The following TNR variants were observed in gnomAD, a reference collection of about 807,000 sequenced individuals.
TNR encodes the protein tenascin R.
Under a neutral mutation model 150.4 loss-of-function variants are expected in TNR, and 45 were observed. The observed-to-expected ratio is 0.30, with a 90% CI of 0.24 to 0.38. The LOEUF is 0.38. TNR is among the 10% of genes least tolerant of loss of function. The pLI is 1.00. For missense variants in TNR, 1,544 were observed against 1,759.1 expected, an observed-to-expected ratio of 0.88 and a Z score of 2.19; for synonymous variants, 687 against 678.4, an observed-to-expected ratio of 1.01 and a Z score of -0.20.
intron 2 of TNR, among the ~76,000 whole-genome samples, chr1:175,463,537 C>T (rs1384231123): frequency 3.3e-5 from 5 of 152,228 alleles, no homozygotes; most frequent in African/African-American, 1.2e-4. Flanking sequence ...GAGTAATTTA[C>T]ACAGCTCCAC....
intron 2 of TNR, among the ~76,000 whole-genome samples, chr1:175,456,358 T>C (rs527958559): frequency 6.6e-6 from 1 of 152,354 alleles, no homozygotes; most frequent in South Asian, 2.1e-4. Context: ...ATAGTATCCA[T>C]CACCTTCTAA....
At chr1:175,434,114 C>T (rs768556786) in intron 2 of TNR, among the ~76,000 whole-genome samples, 5 of 152,178 alleles carry the variant, frequency 3.3e-5, no homozygotes, top group Non-Finnish European at 7.3e-5. Flanking sequence ...GCTCTGGATG[C>T]GGCCAGATTG....
chr1:175,509,133 T>C (rs1003842194), intron 2 of TNR, among the ~76,000 whole-genome samples: 7 of 152,200 alleles, frequency 4.6e-5, no homozygotes, highest in Admixed American at 3.3e-4. Flanking sequence ...GTATGAGCCA[T>C]TATTTTGCTG....
intron 18 of TNR, among the ~76,000 whole-genome samples, chr1:175,348,961 C>T (rs1053796849): frequency 2.6e-5 from 4 of 152,040 alleles, no homozygotes; most frequent in African/African-American, 7.2e-5. Flanking sequence ...GAAAATAACA[C>T]TCAAAGGACT....
At chr1:175,458,260 G>A (rs991539902) in intron 2 of TNR, among the ~76,000 whole-genome samples, 2 of 152,112 alleles carry the variant, frequency 1.3e-5, no homozygotes. Flanking sequence ...TGATTACTGT[G>A]TAAACCATTA....
At chr1:175,728,596 C>T (rs1667543731) in intron 1 of TNR, among the ~76,000 whole-genome samples, 1 of 152,192 alleles carries the variant, frequency 6.6e-6, no homozygotes, top group South Asian at 2.1e-4. Flanking sequence ...TGGTTCTTGC[C>T]TTCTGCTTTC....
chr1:175,534,508 T>TCA lies in TNR; in HGVS notation c.-164-6141_-164-6140dup, dbSNP rs530481871. Among the ~76,000 whole-genome samples the TCA allele has an allele frequency of 1.8e-4, 28 of 152,380 alleles. No homozygotes were observed. The East Asian group carries it at 5.4e-3, about 29-fold the overall frequency. On this transcript the variant is annotated intron_variant, in intron 1 of 22. Coordinates refer to ENST00000367674, the MANE Select transcript of TNR (RefSeq NM_003285.3). ...CTGAATGGATTATTTGAATGAGTCC[T>TCA]CACACACTGCCCAAGTGCATCAGGG... is the stretch of plus-strand genomic sequence containing the variant.
At chr1:175,442,090 G>T (rs1007736086) in intron 2 of TNR, among the ~76,000 whole-genome samples, 1 of 152,196 alleles carries the variant, frequency 6.6e-6, no homozygotes, top group African/African-American at 2.4e-5. Flanking sequence ...GGGGCTCCCT[G>T]TTTATCTTCT....
At chr1:175,436,680 G>C (rs997027477) in intron 2 of TNR, among the ~76,000 whole-genome samples, 16 of 152,154 alleles carry the variant, frequency 1.1e-4, no homozygotes, top group African/African-American at 3.9e-4. Flanking sequence ...AAGGGATGGA[G>C]GAAGATCTAC....
chr1:175,454,188 C>T (rs1261132980), intron 2 of TNR, among the ~76,000 whole-genome samples: 1 of 152,164 alleles, frequency 6.6e-6, no homozygotes, highest in East Asian at 1.9e-4. Flanking sequence ...CTCCCATGCT[C>T]CTAAATGTCT....
chr1:175,718,561 G>A (rs539640861), intron 1 of TNR, among the ~76,000 whole-genome samples: 1 of 152,210 alleles, frequency 6.6e-6, no homozygotes, highest in African/African-American at 2.4e-5. Context: ...GTTTAGTAGG[G>A]TGGGTCCACC....
chr1:175,689,869 C>A (rs1571755106), intron 1 of TNR, among the ~76,000 whole-genome samples: 1 of 152,166 alleles, frequency 6.6e-6, no homozygotes, highest in African/African-American at 2.4e-5. Context: ...TACCTGAGGC[C>A]TCGGTTTCCG....
At chr1:175,690,646 G>A (rs949250183) in intron 1 of TNR, among the ~76,000 whole-genome samples, 1 of 152,244 alleles carries the variant, frequency 6.6e-6, no homozygotes, top group Admixed American at 6.5e-5. Context: ...CTTGGCTTAA[G>A]TGCCAGGGGG....
chr1:175,514,560 T>A (rs1301157489), intron 2 of TNR, among the ~76,000 whole-genome samples: 1 of 152,184 alleles, frequency 6.6e-6, no homozygotes, highest in African/African-American at 2.4e-5. Context: ...CAGGGAACCA[T>A]GGTTCCCAGG....
chr1:175,632,467 A>G (rs1005431101), intron 1 of TNR, among the ~76,000 whole-genome samples: 3 of 152,220 alleles, frequency 2.0e-5, no homozygotes, highest in African/African-American at 7.2e-5. Context: ...TCACTTAGAA[A>G]ATAGAGTCTA....
In TNR at chr1:175,365,145, T is replaced by A. The variant is rs761445577; in HGVS notation, c.2452A>T (p.Met818Leu). 1 of 1,614,106 alleles carries A rather than the reference T, an allele frequency of 6.2e-7. No homozygotes were observed. Among genetic ancestry groups the A allele is most frequent in the Non-Finnish European group, 8.5e-7 (1 of 1,180,006 alleles). Residue 818 changes from methionine to leucine, a missense_variant, in exon 12 of 23, where the codon ATG (methionine) becomes TTG (leucine). Physicochemically the swap from Met to Leu is conservative, Grantham distance 15 (BLOSUM62 2). Around this residue, in one of 2 missense-constraint regions of TNR, gnomAD observed 1,254 missense variants for 1,329.4 expected, o/e 0.94. Coordinates refer to ENST00000367674, the MANE Select transcript of TNR (RefSeq NM_003285.3). Reference sequence around the variant, plus strand: ...TTGGTGGCATCCAGGGAGACCTCCATCATCTCTTCCTCCTCATCCCTGGGG... The same window carrying A: ...TTGGTGGCATCCAGGGAGACCTCCAACATCTCTTCCTCCTCATCCCTGGGG... Reference protein sequence around the residue: ...YSPRDEEEEMMEVSLDATKRH... With the variant: ...YSPRDEEEEMLEVSLDATKRH...
chr1:175,515,600 A>G (rs1382151854), intron 2 of TNR, among the ~76,000 whole-genome samples: 2 of 152,194 alleles, frequency 1.3e-5, no homozygotes, highest in African/African-American at 4.8e-5. Flanking sequence ...GTCTAAGAAG[A>G]GATGAGGCTG....
chr1:175,421,624 AC>A (rs1654758485), intron 2 of TNR, among the ~76,000 whole-genome samples: 1 of 152,194 alleles, frequency 6.6e-6, no homozygotes, highest in Admixed American at 6.5e-5. Flanking sequence ...AATGATCCAA[AC>A]TTTTTATCTG....
intron 2 of TNR, among the ~76,000 whole-genome samples, chr1:175,450,575 G>T (rs1166025541): frequency 1.3e-5 from 2 of 152,188 alleles, no homozygotes; most frequent in Non-Finnish European, 2.9e-5. Flanking sequence ...CTGTTTACTT[G>T]TTTTACTTGT....
Sources: allele counts gnomAD v4.1 joint callset (sites outside exome capture counted in the v4.1 genomes callset), GRCh38; gene constraint gnomAD v4.1.1; regional missense constraint gnomAD v4.1.1; transcripts MANE v1.5; gene names NCBI Gene and HGNC (gene_info 2026-07-23, HGNC 2026-07-21).